OVCH1: variants seen among roughly 807,000 people sequenced by gnomAD.
The protein encoded by OVCH1 is ovochymase-1.
OVCH1 carries 139 observed loss-of-function variants against 138.4 expected under a neutral mutation model. That is an observed-to-expected ratio of 1.00 (90% confidence interval 0.87 to 1.16). The LOEUF (loss-of-function observed/expected upper bound fraction) is 1.16, where lower values mean the gene tolerates loss of function less well. OVCH1 is among the 50% of genes most tolerant of loss of function. The pLI is 0.00. For synonymous variants in OVCH1, 453 were observed against 467.8 expected, an observed-to-expected ratio of 0.97 and a Z score of 0.41; for missense variants, 1,367 against 1,357.9, an observed-to-expected ratio of 1.01 and a Z score of -0.11.
downstream of OVCH1, among the ~76,000 whole-genome samples, chr12:29,423,735 T>C (rs1372357493): frequency 6.6e-6 from 1 of 152,140 alleles, no homozygotes; most frequent in East Asian, 1.9e-4. Context: ...TCTCCTAAAA[T>C]AAAACAATGA....
At chr12:29,495,308 T>C (rs1195949517) in exon 4 of OVCH1, 1 of 1,611,842 alleles carries the variant, frequency 6.2e-7, no homozygotes, top group East Asian at 2.2e-5. Context: ...GTGTTTTAGA[T>C]ACAGCAGTGC....
Position 29,437,023 on chromosome 12 carries a change from G to A in OVCH1, c.3264+2305C>T, listed in dbSNP as rs148801783. Among the ~76,000 whole-genome samples the A allele has an allele frequency of 2.3e-3, 343 of 152,232 alleles. 5 individuals carry two copies. Among genetic ancestry groups the A allele is most frequent in the African/African-American group, 7.5e-3 (310 of 41,536 alleles). On this transcript the variant is annotated intron_variant, in intron 26 of 27. Coordinates refer to ENST00000318184, the Ensembl canonical transcript of OVCH1. ...CATTTTACAGAGTGCTGACTGGTCC[G>A]TTTTTACAGAGTGCTGATTGGTGCA... is the stretch of plus-strand genomic sequence containing the variant.
At chr12:29,496,267 T>A in exon 3 of OVCH1, 1 of 1,604,082 alleles carries the variant, frequency 6.2e-7, no homozygotes, top group Non-Finnish European at 8.5e-7. Flanking sequence ...GCTCATCTGA[T>A]TTTAGGGAGA....
At chr12:29,484,613 G>A (rs893338250) in intron 8 of OVCH1, among the ~76,000 whole-genome samples, 100 bp downstream of exon 9, 13 of 152,028 alleles carry the variant, frequency 8.6e-5, no homozygotes, top group African/African-American at 3.1e-4. Flanking sequence ...AACGTAGGGA[G>A]ACCTTGTCTC....
intron 16 of OVCH1, among the ~76,000 whole-genome samples, chr12:29,469,286 G>A (rs770679310): frequency 8.5e-5 from 13 of 152,096 alleles, no homozygotes; most frequent in African/African-American, 1.4e-4. Flanking sequence ...TACTTCTGTG[G>A]TCTTTCTTCC....
At chr12:29,443,924 T>G (rs1480357347) in intron 24 of OVCH1, among the ~76,000 whole-genome samples, 1 of 152,140 alleles carries the variant, frequency 6.6e-6, no homozygotes, top group Non-Finnish European at 1.5e-5. Context: ...TGCTAATACA[T>G]GGTCTATTTT....
At chr12:29,440,864 C>CG in intron 25 of OVCH1, 120 bp from the exon 26 acceptor site, 1 of 422,816 alleles carries the variant, frequency 2.4e-6, no homozygotes, top group Non-Finnish European at 4.7e-6. Context: ...GAGGACCCTA[C>CG]CTGCATGGAG....
rs768017686 is a variant in OVCH1 at position 29,439,313 on chromosome 12, CTT to C, written c.3264+13_3264+14del. 4 of 1,492,744 alleles carry C rather than the reference CTT, an allele frequency of 2.7e-6. No individual in the cohort carries two copies. The East Asian group carries it at 7.3e-5, about 27-fold the overall frequency. The allele number at this position is 1,492,744 out of a possible 1,614,324, so 92.5% of individuals were successfully genotyped here. A position where few individuals can be genotyped will look rare whatever the true frequency, so the allele number is the denominator to read the frequency against. On this transcript the variant is annotated intron_variant, in intron 26 of 27. Transcript: ENST00000318184. ...ATATAAGCCCAAGTTCTAATCACCTCTTTGAGTTACTCACCACTGAATTTTCC... is the reference window on the plus strand; with the variant it reads ...ATATAAGCCCAAGTTCTAATCACCTCTGAGTTACTCACCACTGAATTTTCC...
At chr12:29,481,069 T>C (rs547301314) in intron 8 of OVCH1, among the ~76,000 whole-genome samples, 2 of 152,072 alleles carry the variant, frequency 1.3e-5, no homozygotes, top group South Asian at 4.1e-4. Context: ...CAGTGCCGAA[T>C]TTTCTGCTTG....
At chr12:29,409,133 T>A (rs898382246), downstream of OVCH1, among the ~76,000 whole-genome samples, 2 of 152,220 alleles carry the variant, frequency 1.3e-5, no homozygotes, top group African/African-American at 4.8e-5. Context: ...TAGTTTGTAT[T>A]TCTGTGGGAT....
At chr12:29,413,681 C>CAA (rs1363824793) in intron 3 of OVCH1, among the ~76,000 whole-genome samples, 1 of 152,034 alleles carries the variant, frequency 6.6e-6, no homozygotes, top group African/African-American at 2.4e-5. Context: ...CACACACACA[C>CAA]ACACACACAT....
rs1485201518 is a variant in OVCH1, at chr12:29,487,701, A to G, written c.884T>C (p.Leu295Pro). 3 of 1,592,798 alleles carry G rather than the reference A, an allele frequency of 1.9e-6. No individual in the cohort carries two copies. The Admixed American group carries it at 5.2e-5, about 28-fold the overall frequency. Residue 295 changes from leucine (L) to proline (P), a missense_variant, in exon 7 of 28, where the codon CTG (leucine) becomes CCG (proline). Leu to Pro is a moderately conservative substitution (Grantham distance 98, BLOSUM62 -3). Coordinates refer to ENST00000318184, the Ensembl canonical transcript of OVCH1. ...AGAAAGAATTCACCTACCTGTGAACAGGTTTTGAGTGATAAAATCCATCAA... is the reference window on the plus strand; with the variant it reads ...AGAAAGAATTCACCTACCTGTGAACGGGTTTTGAGTGATAAAATCCATCAA...
At chr12:29,445,143 T>C in intron 23 of OVCH1, 135 bp downstream of exon 23, 3 of 1,032,756 alleles carry the variant, frequency 2.9e-6, no homozygotes, top group Non-Finnish European at 4.0e-6. Flanking sequence ...AAGTAGATTT[T>C]CCTTTCAAAC....
chr12:29,417,758 CAAGT>C (rs1188460184), intron 3 of OVCH1, among the ~76,000 whole-genome samples: 1 of 112,172 alleles, frequency 8.9e-6, no homozygotes, highest in Non-Finnish European at 1.9e-5. Context: ...ACCTGGCCTA[CAAGT>C]GTGTGTGTGT....
intron 3 of OVCH1, among the ~76,000 whole-genome samples, chr12:29,413,279 C>A (rs10431274): frequency 6.6e-6 from 1 of 151,898 alleles, no homozygotes; most frequent in Non-Finnish European, 1.5e-5. Flanking sequence ...TATCCTCCCA[C>A]GACAATAGGA....
At chr12:29,481,729 C>T (rs1333569017) in intron 8 of OVCH1, among the ~76,000 whole-genome samples, 1 of 152,194 alleles carries the variant, frequency 6.6e-6, no homozygotes, top group African/African-American at 2.4e-5. Context: ...GTTGAGTCTA[C>T]TTTATCAAAA....
At chr12:29,469,768 G>A (rs1236056849) in intron 16 of OVCH1, among the ~76,000 whole-genome samples, 1 of 151,672 alleles carries the variant, frequency 6.6e-6, no homozygotes, top group East Asian at 1.9e-4. Flanking sequence ...CAGCTGCTCA[G>A]AAGGTTGAGG....
intron 16 of OVCH1, among the ~76,000 whole-genome samples, chr12:29,465,622 C>T (rs1263109692): frequency 6.6e-6 from 1 of 152,156 alleles, no homozygotes; most frequent in Non-Finnish European, 1.5e-5. Context: ...CCCATTGCCT[C>T]TGCGATCTCC....
intron 3 of OVCH1, chr12:29,412,823 T>C (rs1940977400): frequency 6.6e-6 from 1 of 152,216 alleles, no homozygotes; most frequent in Non-Finnish European, 1.5e-5. Flanking sequence ...GTGACAGCTC[T>C]AGAAATAGCT....
Sources: allele counts gnomAD v4.1 joint callset (sites outside exome capture counted in the v4.1 genomes callset), GRCh38; gene constraint gnomAD v4.1.1; transcripts MANE v1.5; gene names NCBI Gene and HGNC (gene_info 2026-07-23, HGNC 2026-07-21).